Variants in DPH6 observed in about 807,000 individuals in gnomAD.
The protein encoded by DPH6 is diphthamine biosynthesis 6.
DPH6 carries 33 observed loss-of-function variants against 38.2 expected under a neutral mutation model. That is an observed-to-expected ratio of 0.86 (90% CI 0.65 to 1.15). The LOEUF is 1.15. Among genes scored for constraint, DPH6 ranks in the 50% most tolerant of loss-of-function variants. DPH6 has a pLI of 0.00. For missense variants in DPH6, 325 were observed against 320.0 expected (o/e 1.02, Z -0.12); for synonymous variants, 108 against 103.0 (o/e 1.05, Z -0.30).
At chr15:35,399,767 A>C (rs913628853) in intron 6 of DPH6, among the ~76,000 whole-genome samples, 1 of 152,238 alleles carries the variant, frequency 6.6e-6, no homozygotes, top group African/African-American at 2.4e-5. Context: ...AATCATTCCC[A>C]AAACAGAATT....
At chr15:35,271,340 T>C (rs1049819774) in intron 3 of DPH6, among the ~76,000 whole-genome samples, 4 of 152,220 alleles carry the variant, frequency 2.6e-5, no homozygotes, top group African/African-American at 9.6e-5. Flanking sequence ...TTTCATTTCA[T>C]AACTTGAAGA....
intron 3 of DPH6, among the ~76,000 whole-genome samples, chr15:35,312,234 T>G (rs1281400203): frequency 6.6e-6 from 1 of 152,116 alleles, no homozygotes; most frequent in Non-Finnish European, 1.5e-5. Flanking sequence ...AGCTGAAGAA[T>G]AAGAAATTAT....
At chr15:35,349,671 G>T (rs1336034763) in intron 3 of DPH6, among the ~76,000 whole-genome samples, 1 of 152,154 alleles carries the variant, frequency 6.6e-6, no homozygotes, top group Non-Finnish European at 1.5e-5. Flanking sequence ...CTGACCTCAA[G>T]TGATCTGCCC....
Position 35,332,433 on chromosome 15 carries a change from T to A in DPH6, n.208-1356A>T, listed in dbSNP as rs545022072. Among the ~76,000 whole-genome samples the A allele has an allele frequency of 3.6e-4, 55 of 152,322 alleles. No homozygotes were observed. The South Asian group carries it at 0.011, about 32-fold the overall frequency. On this transcript the variant is annotated intron_variant and non_coding_transcript_variant, in intron 3 of 3. Coordinates refer to the DPH6 transcript ENST00000558973. ...TGGAAAGTAATATAATTTGATCAGT[T>A]TTATTCCTTTTTATCTCAATAAAGA...
intron 3 of DPH6, among the ~76,000 whole-genome samples, chr15:35,346,843 CTT>C (rs2052465831): frequency 6.6e-6 from 1 of 151,932 alleles, no homozygotes; most frequent in African/African-American, 2.4e-5. Context: ...ATTAATTTCT[CTT>C]TATATTTATT....
At chr15:35,392,248 A>T (rs1490545821) in intron 6 of DPH6, among the ~76,000 whole-genome samples, 1 of 152,218 alleles carries the variant, frequency 6.6e-6, no homozygotes, top group Non-Finnish European at 1.5e-5. Flanking sequence ...ATTCATATTC[A>T]TGGTAGCTCC....
chr15:35,543,099 G>C (rs1467004096), intron 1 of DPH6, among the ~76,000 whole-genome samples: 1 of 146,050 alleles, frequency 6.8e-6, no homozygotes, highest in Non-Finnish European at 1.5e-5. Flanking sequence ...TCAAATTAAA[G>C]ATTTGAGTAC....
chr15:35,450,634 G>A lies in DPH6; in HGVS notation c.505+51C>T, dbSNP rs771993124. 15 of 1,402,336 alleles carry A rather than the reference G, an allele frequency of 1.1e-5. No individual in the cohort carries two copies. The South Asian group carries it at 1.2e-4, about 11-fold the overall frequency. 86.9% of individuals were successfully genotyped at this position (1,402,336 alleles called of 1,614,324 possible). A position where few individuals can be genotyped will look rare whatever the true frequency, so the allele number is the denominator to read the frequency against. On this transcript the variant is annotated intron_variant, in intron 5 of 8. Transcript: ENST00000256538. Reference sequence around the variant, plus strand: ...CATTTTAACTACTTATTAGTGAACTGAGATCATCTATGTGGCAACAAACAG... The same window carrying A: ...CATTTTAACTACTTATTAGTGAACTAAGATCATCTATGTGGCAACAAACAG...
At position 35,298,893 on chromosome 15, in the gene DPH6, C is replaced by A. The variant is rs556826573; in HGVS notation, n.200+74628G>T. The A allele has an allele frequency of 4.4e-6, 4 of 902,392 alleles. No homozygotes were observed. In the African/African-American group the frequency reaches 6.5e-5, roughly 15 times the overall value. The allele number at this position is 902,392 out of a possible 1,614,324, so 55.9% of individuals were successfully genotyped here. On this transcript the variant is annotated intron_variant and non_coding_transcript_variant, in intron 3 of 3. Transcript: ENST00000560386. ...CTTCATAAGGAAAATCTCGGGGTAA[C>A]TGTCTTTTACTGCCAGAGAAGTGGG... is the stretch of plus-strand genomic sequence containing the variant.
intron 3 of DPH6, among the ~76,000 whole-genome samples, chr15:35,234,776 G>A (rs2051540312): frequency 6.6e-6 from 1 of 152,134 alleles, no homozygotes; most frequent in Non-Finnish European, 1.5e-5. Context: ...TGGGAAAATT[G>A]GATATGGATT....
intron 3 of DPH6, among the ~76,000 whole-genome samples, chr15:35,226,666 T>A (rs1187820092): frequency 6.6e-6 from 1 of 152,108 alleles, no homozygotes; most frequent in Non-Finnish European, 1.5e-5. Flanking sequence ...AAAACACTGA[T>A]GAAAAAACTT....
intron 3 of DPH6, among the ~76,000 whole-genome samples, chr15:35,234,664 G>T (rs79101711): frequency 0.033 from 5,052 of 152,290 alleles, 280 homozygotes; most frequent in African/African-American, 0.12. Context: ...GTAACAGCTG[G>T]CTTAAGCCAA....
chr15:35,271,350 A>T (rs1377258729), intron 3 of DPH6, among the ~76,000 whole-genome samples: 1 of 152,196 alleles, frequency 6.6e-6, no homozygotes, highest in East Asian at 1.9e-4. Flanking sequence ...TAACTTGAAG[A>T]AAAGGGATAT....
chr15:35,300,712 A>G (rs2052049017), intron 3 of DPH6, among the ~76,000 whole-genome samples: 1 of 152,168 alleles, frequency 6.6e-6, no homozygotes. Flanking sequence ...TTTCCACATA[A>G]TTTTGTTGAC....
intron 6 of DPH6, among the ~76,000 whole-genome samples, chr15:35,385,420 T>C (rs983123166): frequency 8.5e-4 from 129 of 152,284 alleles, no homozygotes; most frequent in African/African-American, 3.0e-3. Context: ...ATATACAGCA[T>C]GGAGTACTAT....
intron 3 of DPH6, among the ~76,000 whole-genome samples, chr15:35,221,466 T>C (rs1203419066): frequency 6.6e-6 from 1 of 152,176 alleles, no homozygotes; most frequent in African/African-American, 2.4e-5. Context: ...GTCTCTGAGG[T>C]ATCCTAGGTG....
intron 3 of DPH6, among the ~76,000 whole-genome samples, chr15:35,301,218 AT>A (rs2052052657): frequency 6.6e-6 from 1 of 152,228 alleles, no homozygotes; most frequent in African/African-American, 2.4e-5. Context: ...ATAGGTAACC[AT>A]GACTTTGTCA....
At chr15:35,343,908 A>G (rs2052442119) in intron 3 of DPH6, among the ~76,000 whole-genome samples, 1 of 152,006 alleles carries the variant, frequency 6.6e-6, no homozygotes, top group Non-Finnish European at 1.5e-5. Flanking sequence ...TGATGTTACT[A>G]GGAAAAAAAT....
At chr15:35,504,876 G>A (rs992074525) in intron 3 of DPH6, among the ~76,000 whole-genome samples, 1 of 151,974 alleles carries the variant, frequency 6.6e-6, no homozygotes. Context: ...CAATCTTTGA[G>A]GAAATAATAA....
Sources: gnomAD v4.1 joint callset for allele counts (sites outside exome capture counted in the v4.1 genomes callset) on GRCh38, gnomAD v4.1.1 for gene constraint, MANE v1.5 for transcripts, NCBI Gene and HGNC (gene_info 2026-07-23, HGNC 2026-07-21) for gene names.